Variants in GNAL observed in about 807,000 individuals in gnomAD.
The protein encoded by GNAL is G protein subunit alpha L, also known as guanine nucleotide-binding protein G(olf) subunit alpha.
A neutral mutation model predicts 55.1 loss-of-function variants in GNAL; 18 were observed. That is an observed-to-expected ratio of 0.33 (90% CI 0.23 to 0.48). The LOEUF is 0.48. GNAL is among the 20% of genes least tolerant of loss of function. The pLI is 0.99. For synonymous variants in GNAL, 253 were observed against 237.0 expected, an observed-to-expected ratio of 1.07 and a Z score of -0.62; for missense variants, 412 against 614.1, an observed-to-expected ratio of 0.67 and a Z score of 3.48.
chr18:11,799,955 C>T (rs1186447405), intron 4 of GNAL, among the ~76,000 whole-genome samples: 1 of 152,040 alleles, frequency 6.6e-6, no homozygotes, highest in Non-Finnish European at 1.5e-5. Flanking sequence ...GTCCCTTTTT[C>T]CCTCTCCATT....
At chr18:11,792,072 A>G (rs888069400) in intron 4 of GNAL, among the ~76,000 whole-genome samples, 2 of 151,938 alleles carry the variant, frequency 1.3e-5, no homozygotes, top group African/African-American at 4.8e-5. Flanking sequence ...AAACTGAGCA[A>G]CCTCTCCCTT....
chr18:11,741,943 T>C (rs184604782), intron 1 of GNAL, among the ~76,000 whole-genome samples: 1 of 152,338 alleles, frequency 6.6e-6, no homozygotes, highest in African/African-American at 2.4e-5. Flanking sequence ...TTCGCATCAT[T>C]GTGCAATCTT....
At chr18:11,732,126 T>C (rs2032353025) in intron 1 of GNAL, among the ~76,000 whole-genome samples, 1 of 152,248 alleles carries the variant, frequency 6.6e-6, no homozygotes, top group Non-Finnish European at 1.5e-5. Context: ...TCATGAATAA[T>C]GCTGCTATGG....
chr18:11,750,105 G>A (rs1009523230), intron 1 of GNAL, among the ~76,000 whole-genome samples: 9 of 152,268 alleles, frequency 5.9e-5, no homozygotes, highest in African/African-American at 2.2e-4. Context: ...CAGACGCCAC[G>A]GAAAGAACAG....
intron 11 of GNAL, among the ~76,000 whole-genome samples, chr18:11,880,231 TG>T (rs1398205230): frequency 6.6e-6 from 1 of 150,850 alleles, no homozygotes; most frequent in Non-Finnish European, 1.5e-5. Flanking sequence ...CACTCCAGCC[TG>T]GGGGACACAG....
At chr18:11,807,902 C>T (rs2034707059) in intron 4 of GNAL, among the ~76,000 whole-genome samples, 1 of 152,064 alleles carries the variant, frequency 6.6e-6, no homozygotes, top group Non-Finnish European at 1.5e-5. Flanking sequence ...TGTAGTCAGC[C>T]CTGTCAGGTG....
At chr18:11,778,505 T>C (rs1015471456) in intron 4 of GNAL, among the ~76,000 whole-genome samples, 18 of 152,208 alleles carry the variant, frequency 1.2e-4, no homozygotes, top group Non-Finnish European at 2.5e-4. Context: ...ACAAAAACAG[T>C]CTTAGCTTCT....
At chr18:11,722,027 A>G (rs923112228) in intron 1 of GNAL, among the ~76,000 whole-genome samples, 1 of 152,212 alleles carries the variant, frequency 6.6e-6, no homozygotes, top group Non-Finnish European at 1.5e-5. Context: ...CCTTGAATAA[A>G]CAGTAACAAC....
intron 1 of GNAL, among the ~76,000 whole-genome samples, chr18:11,690,164 T>C (rs1161338270): frequency 6.6e-6 from 1 of 152,170 alleles, no homozygotes; most frequent in African/African-American, 2.4e-5. Context: ...CACTACGGGC[T>C]GATTCTGCCC....
At chr18:11,749,216 T>C (rs940614437) in intron 1 of GNAL, among the ~76,000 whole-genome samples, 1 of 151,476 alleles carries the variant, frequency 6.6e-6, no homozygotes, top group Non-Finnish European at 1.5e-5. Context: ...CGTGTGAATA[T>C]ATGTCTTTAC....
chr18:11,813,713 G>A (rs1326917239), intron 4 of GNAL, among the ~76,000 whole-genome samples: 4 of 152,002 alleles, frequency 2.6e-5, no homozygotes, highest in Non-Finnish European at 5.9e-5. Context: ...ACCTTCATAT[G>A]GTCCATTTTA....
At chr18:11,746,822 C>T (rs1307406352) in intron 1 of GNAL, 8 of 497,788 alleles carry the variant, frequency 1.6e-5, no homozygotes, top group East Asian at 5.4e-5. Context: ...GGTTGCTGGA[C>T]GAGTGGCAGA....
Position 11,868,660 on chromosome 18 carries a change from A to G in GNAL, c.1028A>G (p.Asn343Ser). The G allele has an allele frequency of 6.3e-7, 1 of 1,598,520 alleles. No homozygotes were observed. The highest frequency in any genetic ancestry group is 8.5e-7 in the Non-Finnish European group (1 of 1,175,874). Reference sequence around the variant, plus strand: ...GATCTTTTTGAAAGCATCTGGAACAACAGGTGACAAAAATAGCAAATTCAG... The same window carrying G: ...GATCTTTTTGAAAGCATCTGGAACAGCAGGTGACAAAAATAGCAAATTCAG... Reference protein sequence around the residue: ...SLDLFESIWNNRWLRTISIIL... With the variant: ...SLDLFESIWNSRWLRTISIIL... Residue 343 changes from asparagine (N) to serine (S), a missense_variant, in exon 9 of 12, where the codon AAC becomes AGC. By Grantham distance (46) the Asn-to-Ser change is conservative. This residue lies in a region of GNAL where 53 missense variants were observed against 182.7 expected (regional missense o/e 0.29). Transcript: ENST00000334049. This position sits in a 1 kb window ranked among gnomAD's most constrained non-coding sequence, Gnocchi z 4.0.
At position 11,753,634 on chromosome 18, in the gene GNAL, G is replaced by T. The variant is rs2032936926; in HGVS notation, c.456G>T (p.Lys152Asn). The T allele has an allele frequency of 6.3e-7, 1 of 1,585,140 alleles. No homozygotes were observed. Among genetic ancestry groups the T allele is most frequent in the Non-Finnish European group, 8.7e-7 (1 of 1,153,828 alleles). ...LHVNGFNPEE[K>N]KQKILDIRKN... Reference sequence around the variant, plus strand: ...CAACTCTCTTTCAATACAGGGAAAAGAAACAGAAAATTCTGGACATCCGGA... The same window carrying T: ...CAACTCTCTTTCAATACAGGGAAAATAAACAGAAAATTCTGGACATCCGGA... Residue 152 changes from lysine (K) to asparagine (N), a missense_variant, in exon 3 of 12, where the codon AAG (lysine) becomes AAT (asparagine). Lys to Asn is a moderately conservative substitution (Grantham distance 94, BLOSUM62 0). Coordinates refer to ENST00000334049, the MANE Select transcript of GNAL (RefSeq NM_182978.4).
At chr18:11,796,708 ATC>A (rs1211505993) in intron 4 of GNAL, among the ~76,000 whole-genome samples, 2 of 152,082 alleles carry the variant, frequency 1.3e-5, no homozygotes, top group Non-Finnish European at 2.9e-5. Context: ...TTAAATTAGG[ATC>A]TCAGTATAGC....
intron 10 of GNAL, among the ~76,000 whole-genome samples, chr18:11,875,689 C>T (rs926597041): frequency 1.3e-5 from 2 of 152,206 alleles, no homozygotes; most frequent in African/African-American, 2.4e-5. Flanking sequence ...CAGATACCAG[C>T]ATCGTGCTTC....
intron 4 of GNAL, among the ~76,000 whole-genome samples, chr18:11,822,363 G>A (rs981118021): frequency 3.9e-5 from 6 of 152,192 alleles, no homozygotes; most frequent in African/African-American, 1.4e-4. Context: ...CCCGCTGCTC[G>A]GGAGCCTGAG....
At chr18:11,830,724 G>A (rs534639918) in intron 5 of GNAL, among the ~76,000 whole-genome samples, 5 of 152,220 alleles carry the variant, frequency 3.3e-5, no homozygotes, top group East Asian at 1.9e-4. Flanking sequence ...GAAAACAACC[G>A]AAATGTTCAT....
chr18:11,877,990 C>T (rs2036573240), intron 11 of GNAL, among the ~76,000 whole-genome samples: 1 of 152,232 alleles, frequency 6.6e-6, no homozygotes. Context: ...AATTAATGTG[C>T]ATTGCAAATC....
Sources: allele counts gnomAD v4.1 joint callset (sites outside exome capture counted in the v4.1 genomes callset), GRCh38; gene constraint gnomAD v4.1.1; regional missense constraint gnomAD v4.1.1; non-coding constraint Gnocchi (gnomAD v3.1); transcripts MANE v1.5; gene names NCBI Gene and HGNC (gene_info 2026-07-23, HGNC 2026-07-21).